UBE2K: variants seen among roughly 807,000 people sequenced by gnomAD.
UBE2K encodes ubiquitin-conjugating enzyme E2 K.
Under a neutral mutation model 30.0 loss-of-function variants are expected in UBE2K, and 6 were observed. That is an observed-to-expected ratio of 0.20 (90% CI 0.11 to 0.39). The LOEUF is 0.39. UBE2K is among the 10% of genes least tolerant of loss of function. UBE2K has a pLI of 1.00. For missense variants in UBE2K, 61 were observed against 241.6 expected, an observed-to-expected ratio of 0.25 and a Z score of 4.96; for synonymous variants, 86 against 83.7, an observed-to-expected ratio of 1.03 and a Z score of -0.15.
intron 3 of UBE2K, among the ~76,000 whole-genome samples, chr4:39,755,403 G>A (rs889082876): frequency 2.0e-5 from 3 of 152,108 alleles, no homozygotes; most frequent in African/African-American, 7.2e-5. Context: ...TAGGTAAATT[G>A]TAAGCTCCTA....
At chr4:39,711,504 T>C (rs1718679345) in intron 1 of UBE2K, among the ~76,000 whole-genome samples, 1 of 152,016 alleles carries the variant, frequency 6.6e-6, no homozygotes, top group Non-Finnish European at 1.5e-5. Context: ...GTTGTGCTAG[T>C]TCTTTAATAC....
intron 2 of UBE2K, among the ~76,000 whole-genome samples, chr4:39,744,335 G>A (rs1220625403): frequency 1.3e-5 from 2 of 151,758 alleles, no homozygotes; most frequent in South Asian, 2.1e-4. Flanking sequence ...ACCATGCCCA[G>A]CTAATTTTTT....
chr4:39,745,601 T>C (rs1022893004), intron 2 of UBE2K, 151 bp from the exon 3 acceptor site: 3 of 594,890 alleles, frequency 5.0e-6, no homozygotes, highest in South Asian at 2.4e-5. Flanking sequence ...TAAAAACTAG[T>C]GCTTTTGATT....
At chr4:39,712,672 G>A (rs1578422374) in intron 1 of UBE2K, among the ~76,000 whole-genome samples, 2 of 151,596 alleles carry the variant, frequency 1.3e-5, no homozygotes, top group East Asian at 3.9e-4. Context: ...CGCCCACCTC[G>A]GCCTCCCAAA....
intron 2 of UBE2K, among the ~76,000 whole-genome samples, chr4:39,744,005 G>A (rs1720850534): frequency 6.6e-6 from 1 of 152,152 alleles, no homozygotes; most frequent in Admixed American, 6.5e-5. Flanking sequence ...TGGGATCGTA[G>A]GCACATGCCA....
intron 1 of UBE2K, among the ~76,000 whole-genome samples, chr4:39,726,895 C>T: frequency 6.6e-6 from 1 of 152,166 alleles, no homozygotes; most frequent in East Asian, 1.9e-4. Flanking sequence ...ATGTACCTGT[C>T]CCCTTCTAGA....
chr4:39,749,790 G>A (rs1721161648), intron 3 of UBE2K, among the ~76,000 whole-genome samples: 2 of 152,162 alleles, frequency 1.3e-5, no homozygotes, highest in African/African-American at 4.8e-5. Context: ...TCTTTAATGA[G>A]CGTATGCTCA....
intron 3 of UBE2K, among the ~76,000 whole-genome samples, chr4:39,746,140 G>A (rs1305549411): frequency 6.6e-6 from 1 of 151,986 alleles, no homozygotes; most frequent in African/African-American, 2.4e-5. Flanking sequence ...GTTCTTACTT[G>A]ACTCAAAGAA....
At chr4:39,702,231 C>CTTTTCTTTT (rs1718062050) in intron 1 of UBE2K, among the ~76,000 whole-genome samples, 4 of 67,390 alleles carry the variant, frequency 5.9e-5, no homozygotes, top group South Asian at 4.7e-4. Flanking sequence ...CTTTTCTTTT[C>CTTTTCTTTT]TTTTTTTTTT....
chr4:39,731,286 G>A (rs80242064), intron 1 of UBE2K, among the ~76,000 whole-genome samples: 3,955 of 152,214 alleles, frequency 0.026, 75 homozygotes, highest in East Asian at 0.067. Context: ...TCTAGAACTT[G>A]TTTTTAGTAA....
intron 4 of UBE2K, 90 bp from the exon 5 acceptor site, chr4:39,774,744 T>G: frequency 1.7e-6 from 1 of 600,466 alleles, no homozygotes; most frequent in Admixed American, 3.9e-5. Flanking sequence ...AACTTTTAGC[T>G]CTACAATTTT....
At chr4:39,742,092 G>T (rs1431261371) in intron 2 of UBE2K, among the ~76,000 whole-genome samples, 2 of 152,068 alleles carry the variant, frequency 1.3e-5, no homozygotes, top group African/African-American at 4.8e-5. Flanking sequence ...ATATCTGTGG[G>T]CCCTCACACT....
intron 1 of UBE2K, among the ~76,000 whole-genome samples, chr4:39,701,892 C>T (rs1374470623): frequency 6.6e-6 from 1 of 151,836 alleles, no homozygotes; most frequent in Non-Finnish European, 1.5e-5. Context: ...TCCTGAGTAG[C>T]TGGGATTACA....
intron 1 of UBE2K, chr4:39,714,548 A>ATTTTTTTTTTTTTTTTTT (rs1168820129): frequency 7.3e-4 from 18 of 24,678 alleles, no homozygotes; most frequent in Admixed American, 1.9e-3. Context: ...ATATATATAT[A>ATTTTTTTTTTTTTTTTTT]TATTTTTTTT....
At chr4:39,771,365 T>C in intron 4 of UBE2K, 1 of 1,612,792 alleles carries the variant, frequency 6.2e-7, no homozygotes, top group South Asian at 1.1e-5. Flanking sequence ...GCCCGGAGCT[T>C]GTTCATGTTC....
intron 1 of UBE2K, among the ~76,000 whole-genome samples, chr4:39,699,085 C>T (rs975788801): frequency 1.3e-5 from 2 of 152,244 alleles, no homozygotes; most frequent in East Asian, 1.9e-4. Context: ...TAGGCCTCAT[C>T]TTTATTGACA....
intron 1 of UBE2K, among the ~76,000 whole-genome samples, chr4:39,720,492 T>C (rs957237560): frequency 6.6e-6 from 1 of 152,210 alleles, no homozygotes; most frequent in African/African-American, 2.4e-5. Flanking sequence ...CTTGCTGTTA[T>C]GGAATAAATT....
intron 6 of UBE2K, 61 bp downstream of exon 6, chr4:39,777,871 C>T (rs1266007218): frequency 4.5e-6 from 6 of 1,342,108 alleles, no homozygotes; most frequent in Non-Finnish European, 5.8e-6. Flanking sequence ...ATTGCAAATT[C>T]TTGGCTGACA....
rs1464416074 is a variant in UBE2K at position 39,778,709 on chromosome 4, C to T, written c.*275C>T. ...AAGCTAAAACCATGGAAGAAACATG[C>T]TACTTTAGTGTTTAGCAGTGTACCA... On this transcript the variant is annotated 3_prime_UTR_variant, in exon 7 of 7. Transcript: ENST00000261427. The T allele has an allele frequency of 1.0e-5, 3 of 296,008 alleles. No homozygotes were observed. The highest frequency in any genetic ancestry group is 6.5e-5 in the African/African-American group (3 of 45,866). The allele number at this position is 296,008 out of a possible 1,614,324, so 18.3% of individuals were successfully genotyped here.
Sources: allele counts gnomAD v4.1 joint callset (sites outside exome capture counted in the v4.1 genomes callset), GRCh38; gene constraint gnomAD v4.1.1; transcripts MANE v1.5; gene names NCBI Gene and HGNC (gene_info 2026-07-23, HGNC 2026-07-21).